The following NOL4L variants were observed in gnomAD, a reference collection of about 807,000 sequenced individuals.
NOL4L encodes the protein nucleolar protein 4-like.
In NOL4L, 7 loss-of-function variants were observed where a neutral mutation model predicts 64.5. That is an observed-to-expected ratio of 0.11 (90% CI 0.06 to 0.20). The LOEUF (loss-of-function observed/expected upper bound fraction) is 0.20, where lower values mean the gene tolerates loss of function less well. Ranked by LOEUF, NOL4L falls within the 10% of genes least tolerant of loss-of-function variation. The pLI is 1.00. For missense variants in NOL4L, 680 were observed against 967.1 expected (o/e 0.70, Z 3.94); for synonymous variants, 413 against 401.0 (o/e 1.03, Z -0.36).
intron 4 of NOL4L, among the ~76,000 whole-genome samples, chr20:32,493,977 G>C (rs990441075): frequency 1.1e-4 from 17 of 152,182 alleles, no homozygotes; most frequent in Non-Finnish European, 1.3e-4. Context: ...TACTGGCTAG[G>C]CGCAGTGGCT....
At chr20:32,530,313 G>C (rs1372196605) in intron 1 of NOL4L, among the ~76,000 whole-genome samples, 1 of 151,790 alleles carries the variant, frequency 6.6e-6, no homozygotes, top group African/African-American at 2.4e-5. Context: ...AGGCCAAGGC[G>C]GGTGGATCAT....
chr20:32,548,742 C>A, intron 1 of NOL4L: 1 of 408,594 alleles, frequency 2.4e-6, no homozygotes, highest in Admixed American at 2.9e-5. Flanking sequence ...GGTATAAACT[C>A]GCCCATGCTT....
At chr20:32,579,638 G>A (rs943121079) in intron 1 of NOL4L, among the ~76,000 whole-genome samples, 2 of 152,120 alleles carry the variant, frequency 1.3e-5, no homozygotes, top group African/African-American at 4.8e-5. Flanking sequence ...GGTGCACGGT[G>A]TCCCCACCCC....
At chr20:32,475,517 C>T (rs1377062184) in intron 4 of NOL4L, among the ~76,000 whole-genome samples, 1 of 152,240 alleles carries the variant, frequency 6.6e-6, no homozygotes. Flanking sequence ...TCGGGCCGGC[C>T]CTTGGCCAGT....
intron 4 of NOL4L, among the ~76,000 whole-genome samples, chr20:32,490,883 C>T (rs1050469794): frequency 2.1e-4 from 32 of 152,220 alleles, no homozygotes; most frequent in African/African-American, 7.7e-4. Context: ...TCTGGTCTGG[C>T]GTTGGAGGCC....
Position 32,550,861 on chromosome 20 carries a change from C to T in NOL4L, c.322-22948G>A, listed in dbSNP as rs186153199. On this transcript the variant is annotated intron_variant, in intron 1 of 10. Transcript: ENST00000621426. ...TGCCACCACTGCACTCCAGCCTGGG[C>T]GACAGGGTGAGACTCCATCTCAAAA... 1.7e-3 allele frequency among the ~76,000 whole-genome samples: 255 copies of T among 150,150 alleles called. 1 individual carries two copies. Among genetic ancestry groups the T allele is most frequent in the African/African-American group, 3.9e-3 (158 of 40,638 alleles).
chr20:32,532,601 T>C (rs927087373), intron 1 of NOL4L, among the ~76,000 whole-genome samples: 1 of 152,204 alleles, frequency 6.6e-6, no homozygotes, highest in Non-Finnish European at 1.5e-5. Context: ...AGAAAGCACC[T>C]TCCCTGTAGA....
At chr20:32,545,580 C>A (rs968128725) in intron 1 of NOL4L, among the ~76,000 whole-genome samples, 4 of 152,046 alleles carry the variant, frequency 2.6e-5, no homozygotes, top group African/African-American at 9.7e-5. Context: ...ACAGCCCTGG[C>A]CACCACCACC....
At position 32,493,665 on chromosome 20, in the gene NOL4L, A is replaced by G. The variant is rs556758843; in HGVS notation, c.699+17682T>C. 9.2e-5 allele frequency among the ~76,000 whole-genome samples: 14 copies of G among 152,368 alleles called. No individual in the cohort carries two copies. The South Asian group carries it at 2.9e-3, about 32-fold the overall frequency. ...CACCGCCCGAACCATAGTTATGGAT[A>G]GTGATGGTACTACGAAAACTAAGTA... On this transcript the variant is annotated intron_variant, in intron 4 of 10. Coordinates refer to ENST00000621426, the MANE Select transcript of NOL4L (RefSeq NM_001256798.2).
chr20:32,566,919 G>C (rs1319808473), intron 1 of NOL4L, among the ~76,000 whole-genome samples: 1 of 152,236 alleles, frequency 6.6e-6, no homozygotes, highest in Admixed American at 6.5e-5. Context: ...CCAGAGTAGA[G>C]TGTCTAGGAC....
chr20:32,527,074 G>A (rs530964258), intron 2 of NOL4L, among the ~76,000 whole-genome samples: 142 of 152,292 alleles, frequency 9.3e-4, no homozygotes, highest in Non-Finnish European at 1.8e-3. Flanking sequence ...TGCCAGTACA[G>A]GTGTCACCTT....
At chr20:32,477,614 G>A (rs1332669035) in intron 4 of NOL4L, among the ~76,000 whole-genome samples, 2 of 152,242 alleles carry the variant, frequency 1.3e-5, no homozygotes, top group African/African-American at 2.4e-5. Flanking sequence ...TAATGAGGAC[G>A]CTCCATTAAT....
intron 1 of NOL4L, among the ~76,000 whole-genome samples, chr20:32,549,249 T>C (rs6141751): frequency 0.13 from 20,455 of 152,078 alleles, 1,953 homozygotes; most frequent in African/African-American, 0.27. Flanking sequence ...CAGAAAAGAT[T>C]CTTAAAACTC....
At position 32,446,228 on chromosome 20, in the gene NOL4L, T is replaced by A. The variant is rs1600605584; in HGVS notation, c.*1368A>T. 1 of 151,886 alleles carries A rather than the reference T, an allele frequency of 6.6e-6. No individual in the cohort carries two copies. 9.4% of individuals were successfully genotyped at this position (151,886 alleles called of 1,614,324 possible). On this transcript the variant is annotated 3_prime_UTR_variant, in exon 11 of 11. Transcript: ENST00000621426. ...ATTGCACTGAGCAAGAGGAAGTGCC[T>A]ATCAATCAATCAATCAGGGAGGAAG...
At chr20:32,513,804 G>A (rs892444987) in intron 3 of NOL4L, among the ~76,000 whole-genome samples, 2 of 152,116 alleles carry the variant, frequency 1.3e-5, no homozygotes, top group Non-Finnish European at 1.5e-5. Flanking sequence ...CGTTGAGGCA[G>A]CACTGCGATC....
At chr20:32,573,039 C>CTT (rs3078261) in intron 1 of NOL4L, among the ~76,000 whole-genome samples, 1 of 142,206 alleles carries the variant, frequency 7.0e-6, no homozygotes. Context: ...GCATCCTTTT[C>CTT]TTTTTTTTTT....
intron 1 of NOL4L, among the ~76,000 whole-genome samples, chr20:32,565,193 G>T (rs1424323701): frequency 6.6e-6 from 1 of 152,216 alleles, no homozygotes; most frequent in African/African-American, 2.4e-5. Flanking sequence ...ACAGTCTGGA[G>T]ACCCCGCCCT....
intron 4 of NOL4L, among the ~76,000 whole-genome samples, chr20:32,481,077 C>T (rs914766246): frequency 3.3e-5 from 5 of 152,210 alleles, no homozygotes; most frequent in Admixed American, 2.0e-4. Flanking sequence ...CACTCACACG[C>T]ACACTGTGTC....
In NOL4L at chr20:32,490,141, A is replaced by AT. The variant is rs1365021935; in HGVS notation, c.700-15400_700-15399insA. Among the ~76,000 whole-genome samples the AT allele has an allele frequency of 4.2e-3, 619 of 146,218 alleles. 14 individuals carry two copies. Among genetic ancestry groups the AT allele is most frequent in the African/African-American group, 0.015 (587 of 38,326 alleles). ...GAGACTCCATCTCAAAAAAAAAAAA[A>AT]AAAATATATATACACATATATATAT... On this transcript the variant is annotated intron_variant, in intron 4 of 10. Transcript: ENST00000621426.
Sources: allele counts gnomAD v4.1 joint callset (sites outside exome capture counted in the v4.1 genomes callset), GRCh38; gene constraint gnomAD v4.1.1; transcripts MANE v1.5; gene names NCBI Gene and HGNC (gene_info 2026-07-23, HGNC 2026-07-21).